ZMAT4: variants seen among roughly 807,000 people sequenced by gnomAD.
ZMAT4 encodes the protein zinc finger matrin-type protein 4.
Under a neutral mutation model 28.7 loss-of-function variants are expected in ZMAT4, and 17 were observed. The observed-to-expected ratio is 0.59, with a 90% CI of 0.41 to 0.89. ZMAT4 has a LOEUF of 0.89. ZMAT4 is among the 40% of genes least tolerant of loss of function. The pLI is 0.00. For missense variants in ZMAT4, 240 were observed against 283.8 expected (o/e 0.85, Z 1.11); for synonymous variants, 117 against 109.2 (o/e 1.07, Z -0.44).
chr8:40,878,044 G>A (rs1455747665), intron 1 of ZMAT4, among the ~76,000 whole-genome samples: 2 of 152,176 alleles, frequency 1.3e-5, no homozygotes, highest in East Asian at 1.9e-4. Context: ...AGTAATGAAA[G>A]AATAACACAA....
intron 1 of ZMAT4, among the ~76,000 whole-genome samples, chr8:40,846,280 C>T (rs1281538931): frequency 6.6e-6 from 1 of 152,182 alleles, no homozygotes; most frequent in Admixed American, 6.5e-5. Context: ...CCACCATGGC[C>T]CCTATCATCC....
chr8:40,689,907 A>G (rs1207182048), intron 4 of ZMAT4, among the ~76,000 whole-genome samples: 4 of 152,150 alleles, frequency 2.6e-5, no homozygotes, highest in African/African-American at 9.7e-5. Context: ...GTCTTATACC[A>G]CTATGTGATC....
At chr8:40,804,755 T>A (rs370853483) in intron 2 of ZMAT4, among the ~76,000 whole-genome samples, 1 of 151,802 alleles carries the variant, frequency 6.6e-6, no homozygotes, top group African/African-American at 2.4e-5. Flanking sequence ...GCAGGAAAAT[T>A]GCTTGAACCC....
chr8:40,677,652 G>T (rs767334175), intron 4 of ZMAT4, among the ~76,000 whole-genome samples: 7 of 152,090 alleles, frequency 4.6e-5, no homozygotes, highest in Non-Finnish European at 5.9e-5. Context: ...GCAGTTTCCA[G>T]GTTTTAATGA....
chr8:40,746,184 C>A (rs1480180304), intron 3 of ZMAT4, among the ~76,000 whole-genome samples: 3 of 152,012 alleles, frequency 2.0e-5, no homozygotes, highest in Non-Finnish European at 4.4e-5. Flanking sequence ...GTTAACATCT[C>A]TTTCTTTCTT....
chr8:40,630,620 T>A (rs1027161013), intron 5 of ZMAT4, among the ~76,000 whole-genome samples: 2 of 152,210 alleles, frequency 1.3e-5, no homozygotes, highest in Admixed American at 6.5e-5. Flanking sequence ...ATGTATCATA[T>A]GTACACAAAC....
At chr8:40,827,363 T>A (rs1190680389) in intron 1 of ZMAT4, among the ~76,000 whole-genome samples, 1 of 152,218 alleles carries the variant, frequency 6.6e-6, no homozygotes, top group Non-Finnish European at 1.5e-5. Context: ...TTTAATAACA[T>A]CCTGATGTTG....
At chr8:40,704,971 C>A (rs886587593) in intron 3 of ZMAT4, among the ~76,000 whole-genome samples, 3 of 152,164 alleles carry the variant, frequency 2.0e-5, no homozygotes, top group African/African-American at 7.2e-5. Context: ...GCTGTAGTGT[C>A]TACAGGAAGG....
chr8:40,785,292 C>T (rs1006546536), intron 2 of ZMAT4, among the ~76,000 whole-genome samples: 1 of 152,214 alleles, frequency 6.6e-6, no homozygotes, highest in Non-Finnish European at 1.5e-5. Context: ...ATAGTTTAGC[C>T]CTTTCTGATT....
At chr8:40,750,211 T>C (rs963370841) in intron 3 of ZMAT4, among the ~76,000 whole-genome samples, 1 of 152,140 alleles carries the variant, frequency 6.6e-6, no homozygotes, top group African/African-American at 2.4e-5. Flanking sequence ...AGAAAAAATA[T>C]ATATATATAT....
chr8:40,601,491 A>AAGAAAGAAAGAAAGAAAGAAAGAG (rs1238154422), intron 5 of ZMAT4, among the ~76,000 whole-genome samples: 2 of 144,816 alleles, frequency 1.4e-5, no homozygotes, highest in African/African-American at 5.1e-5. Context: ...GAAAGAAAGA[A>AAGAAAGAAAGAAAGAAAGAAAGAG]AGAGAGAAAG....
chr8:40,848,266 T>G (rs1212367226), intron 1 of ZMAT4, among the ~76,000 whole-genome samples: 1 of 152,216 alleles, frequency 6.6e-6, no homozygotes, highest in Non-Finnish European at 1.5e-5. Flanking sequence ...CACAAGCCTA[T>G]GGGTGACACA....
chr8:40,687,480 A>T (rs1809466097), intron 4 of ZMAT4, among the ~76,000 whole-genome samples: 1 of 152,188 alleles, frequency 6.6e-6, no homozygotes, highest in Admixed American at 6.6e-5. Context: ...ATAGAATCTT[A>T]TTGGAAACAG....
At chr8:40,690,285 G>A (rs1809604513) in intron 4 of ZMAT4, among the ~76,000 whole-genome samples, 1 of 152,158 alleles carries the variant, frequency 6.6e-6, no homozygotes, top group Admixed American at 6.5e-5. Context: ...TTGGGTAAAT[G>A]GTTTCACCCC....
chr8:40,532,587 A>T (rs781638973), intron 6 of ZMAT4, among the ~76,000 whole-genome samples: 20 of 152,214 alleles, frequency 1.3e-4, no homozygotes, highest in Non-Finnish European at 2.1e-4. Flanking sequence ...GTATAACTAC[A>T]TGCAGAACCC....
intron 1 of ZMAT4, among the ~76,000 whole-genome samples, chr8:40,865,008 C>T (rs535379432): frequency 3.9e-5 from 6 of 152,076 alleles, no homozygotes; most frequent in African/African-American, 1.4e-4. Flanking sequence ...TGCACACAGC[C>T]CAGAATTTTA....
At chr8:40,668,977 A>G (rs1006904219) in intron 5 of ZMAT4, among the ~76,000 whole-genome samples, 4 of 152,130 alleles carry the variant, frequency 2.6e-5, no homozygotes, top group African/African-American at 9.7e-5. Flanking sequence ...ACTAAACACA[A>G]TGTATTTAAT....
chr8:40,876,575 A>G (rs1425679933), intron 1 of ZMAT4, among the ~76,000 whole-genome samples: 1 of 152,228 alleles, frequency 6.6e-6, no homozygotes, highest in East Asian at 1.9e-4. Flanking sequence ...CTCAGCCTCC[A>G]AAGTGCTGGG....
At chr8:40,565,066 T>A (rs1216782893) in intron 6 of ZMAT4, among the ~76,000 whole-genome samples, 1 of 152,160 alleles carries the variant, frequency 6.6e-6, no homozygotes, top group Non-Finnish European at 1.5e-5. Context: ...GAAAGAATAA[T>A]CAAAGTAATT....
Sources: allele counts gnomAD v4.1 joint callset (sites outside exome capture counted in the v4.1 genomes callset), GRCh38; gene constraint gnomAD v4.1.1; transcripts MANE v1.5; gene names NCBI Gene and HGNC (gene_info 2026-07-23, HGNC 2026-07-21).